Variants in INSC observed in about 807,000 individuals in gnomAD.
INSC encodes the protein INSC spindle orientation adaptor protein, also known as protein inscuteable homolog.
In INSC, 67 loss-of-function variants were observed where a neutral mutation model predicts 58.6. The observed-to-expected ratio is 1.14, with a 90% CI of 0.94 to 1.40. The LOEUF is 1.40. Among genes scored for constraint, INSC ranks in the 40% most tolerant of loss-of-function variants. The probability of loss-of-function intolerance (pLI) is 0.00; values close to 1 mark genes in which losing one functional copy is unlikely to be tolerated. For missense variants in INSC, 714 were observed against 692.0 expected, an observed-to-expected ratio of 1.03 and a Z score of -0.36; for synonymous variants, 262 against 276.1, an observed-to-expected ratio of 0.95 and a Z score of 0.51.
At position 15,245,988 on chromosome 11, in the gene INSC, G is replaced by A. The variant is rs751225472; in HGVS notation, c.1547G>A (p.Arg516Gln). 43 of 1,614,048 alleles carry A rather than the reference G, an allele frequency of 2.7e-5. No homozygotes were observed. Among genetic ancestry groups the A allele is most frequent in the East Asian group, 1.1e-4 (5 of 44,890 alleles). ...DSDFQQLVQP[R>Q]LVDSFLLCSN... ...GACTTTCAGCAGTTGGTCCAGCCTCGGCTGGTGGACTCCTTCTTACTCTGC... is the reference window on the plus strand; with the variant it reads ...GACTTTCAGCAGTTGGTCCAGCCTCAGCTGGTGGACTCCTTCTTACTCTGC... The change falls in exon 13 of 13, where the codon CGG becomes CAG. Residue 516 changes from arginine (R) to glutamine (Q), a missense_variant. By Grantham distance (43) the Arg-to-Gln change is conservative. Coordinates refer to ENST00000379556, the MANE Select transcript of INSC (RefSeq NM_001042536.3).
chr11:15,170,671 CTT>C (rs1849365657), intron 2 of INSC, among the ~76,000 whole-genome samples: 1 of 152,194 alleles, frequency 6.6e-6, no homozygotes, highest in Non-Finnish European at 1.5e-5. Context: ...TTTCTATACT[CTT>C]TTCTTTGGAA....
At chr11:15,142,720 A>G (rs1484454793) in intron 1 of INSC, among the ~76,000 whole-genome samples, 1 of 151,782 alleles carries the variant, frequency 6.6e-6, no homozygotes, top group Non-Finnish European at 1.5e-5. Flanking sequence ...GGGTACGACC[A>G]CGCAGTGAGG....
At position 15,179,128 on chromosome 11, in the gene INSC, C is replaced by G. The variant is rs576794154; in HGVS notation, c.579+681C>G. Among the ~76,000 whole-genome samples the G allele has an allele frequency of 4.6e-5, 7 of 152,284 alleles. No homozygotes were observed. The South Asian group carries it at 1.5e-3, about 32-fold the overall frequency. On this transcript the variant is annotated intron_variant, in intron 5 of 12. Transcript: ENST00000379556. The stretch of plus-strand genomic sequence containing the variant: ...TCACCATGGAGCCTCAGTTAAGTTC[C>G]TGAACCTCTCTCAGCCTCGTTTTCC...
chr11:15,114,279 T>G (rs997164243), upstream of INSC, among the ~76,000 whole-genome samples: 1 of 151,026 alleles, frequency 6.6e-6, no homozygotes, highest in Non-Finnish European at 1.5e-5. Context: ...GGTCTGATCT[T>G]ATGTGCCGAA....
chr11:15,143,632 A>G (rs1304345561), intron 1 of INSC, among the ~76,000 whole-genome samples: 2 of 152,076 alleles, frequency 1.3e-5, no homozygotes, highest in Admixed American at 6.5e-5. Context: ...GCTTGAGATC[A>G]CCCTGGTGGT....
chr11:15,202,391 C>T (rs1044876528), intron 7 of INSC, among the ~76,000 whole-genome samples: 33 of 152,164 alleles, frequency 2.2e-4, no homozygotes, highest in African/African-American at 8.0e-4. Flanking sequence ...AAACCAATTA[C>T]AGTTATCTCT....
chr11:15,112,055 A>T (rs191091341), upstream of INSC, among the ~76,000 whole-genome samples: 4 of 152,272 alleles, frequency 2.6e-5, no homozygotes, highest in East Asian at 7.7e-4. Flanking sequence ...GAGTTTGTAA[A>T]TGTCTCTGAG....
At chr11:15,186,262 A>G (rs1849963256) in intron 5 of INSC, among the ~76,000 whole-genome samples, 1 of 147,462 alleles carries the variant, frequency 6.8e-6, no homozygotes, top group Non-Finnish European at 1.5e-5. Flanking sequence ...TTTTTTTTCC[A>G]GTAATGAACT....
intron 5 of INSC, among the ~76,000 whole-genome samples, chr11:15,189,087 ATGTTGTGCG>A (rs1850072941): frequency 1.3e-5 from 2 of 152,226 alleles, no homozygotes; most frequent in South Asian, 4.1e-4. Context: ...CTAGATTAGC[ATGTTGTGCG>A]TGTGTGAGGA....
chr11:15,164,315 T>C (rs1849120620), intron 2 of INSC, among the ~76,000 whole-genome samples: 1 of 152,220 alleles, frequency 6.6e-6, no homozygotes, highest in South Asian at 2.1e-4. Flanking sequence ...ATTCTAACTT[T>C]ATAGAACTCC....
chr11:15,256,755 T>C, the INSC span, among the ~76,000 whole-genome samples: 1 of 152,148 alleles, frequency 6.6e-6, no homozygotes, highest in Non-Finnish European at 1.5e-5. Context: ...CTCAAAGTGC[T>C]GGGATTACAC....
At chr11:15,229,977 TATTA>T (rs1341866387) in intron 9 of INSC, among the ~76,000 whole-genome samples, 7 of 11,156 alleles carry the variant, frequency 6.3e-4, no homozygotes, top group African/African-American at 2.3e-3. Flanking sequence ...TATATATATA[TATTA>T]TATATATATA....
chr11:15,122,063 C>T (rs1225995203), intron 1 of INSC, among the ~76,000 whole-genome samples: 1 of 152,198 alleles, frequency 6.6e-6, no homozygotes. Context: ...TTAAAGGCTA[C>T]CTGTGCTCCT....
rs79777455 is a variant in INSC, at chr11:15,235,170, A to G, written c.1171-432A>G. 729 of 230,590 alleles carry G rather than the reference A, an allele frequency of 3.2e-3. 4 individuals are homozygous for G. Among genetic ancestry groups the G allele is most frequent in the African/African-American group, 0.015 (708 of 45,772 alleles). 14.3% of individuals were successfully genotyped at this position (230,590 alleles called of 1,614,324 possible). A position where few individuals can be genotyped will look rare whatever the true frequency, so the allele number is the denominator to read the frequency against. On this transcript the variant is annotated intron_variant, in intron 9 of 12. Coordinates refer to ENST00000379556, the MANE Select transcript of INSC (RefSeq NM_001042536.3). ...AGTAGGTGAGGGTTAGTATCCAGGAAAGAAGCTTGGATGGAAGAAGTCAAT... is the reference window on the plus strand; with the variant it reads ...AGTAGGTGAGGGTTAGTATCCAGGAGAGAAGCTTGGATGGAAGAAGTCAAT...
At chr11:15,225,865 A>T (rs1851618183) in intron 9 of INSC, 37 bp downstream of exon 9, 2 of 1,585,224 alleles carry the variant, frequency 1.3e-6, no homozygotes, top group Non-Finnish European at 1.7e-6. Flanking sequence ...CAGGGCCCAT[A>T]GCCATGGAGA....
At chr11:15,139,172 A>T (rs1170976001) in intron 1 of INSC, among the ~76,000 whole-genome samples, 1 of 152,224 alleles carries the variant, frequency 6.6e-6, no homozygotes, top group African/African-American at 2.4e-5. Flanking sequence ...TAGCTTGCCC[A>T]GTGTGCCCTT....
chr11:15,178,338 A>T lies in INSC; in HGVS notation c.470A>T (p.Glu157Val), dbSNP rs1401460939. ...CTTCTCTTCAGGTGCCTTCAGGTTG[A>T]GAATGAGCATGTCCTGAAGTCAATG... Reference protein sequence around the residue: ...SAVTERCLQVENEHVLKSMKA... With the variant: ...SAVTERCLQVVNEHVLKSMKA... The change falls in exon 5 of 13, where the codon GAG (glutamate) becomes GTG (valine). Residue 157 changes from glutamate (E) to valine (V), a missense_variant. By Grantham distance (121) the Glu-to-Val change is moderately radical. Coordinates refer to ENST00000379556, the MANE Select transcript of INSC (RefSeq NM_001042536.3). 6.2e-7 allele frequency: 1 copy of T among 1,613,986 alleles called. No individual in the cohort carries two copies.
intron 6 of INSC, among the ~76,000 whole-genome samples, chr11:15,194,700 C>T (rs1379077856): frequency 5.3e-5 from 8 of 152,166 alleles, no homozygotes; most frequent in Non-Finnish European, 1.2e-4. Flanking sequence ...TTGTTACCAT[C>T]AACAGTTGAG....
At chr11:15,218,893 AGT>A (rs1243337297) in intron 7 of INSC, among the ~76,000 whole-genome samples, 6 of 152,188 alleles carry the variant, frequency 3.9e-5, no homozygotes, top group African/African-American at 1.4e-4. Flanking sequence ...GCTTGTCTAA[AGT>A]GTGTCCTTAA....
Sources: allele counts gnomAD v4.1 joint callset (sites outside exome capture counted in the v4.1 genomes callset), GRCh38; gene constraint gnomAD v4.1.1; transcripts MANE v1.5; gene names NCBI Gene and HGNC (gene_info 2026-07-23, HGNC 2026-07-21).